NFATC1: variants seen among roughly 807,000 people sequenced by gnomAD.
NFATC1 encodes nuclear factor of activated T cells 1, also known as nuclear factor of activated T-cells, cytoplasmic 1.
In NFATC1, 22 loss-of-function variants were observed where a neutral mutation model predicts 76.0. The ratio of observed to expected loss-of-function variants is 0.29; its 90% CI spans 0.21 to 0.41. NFATC1 has a LOEUF of 0.41. Among genes scored for constraint, NFATC1 ranks in the 10% least tolerant of loss-of-function variants. The probability of loss-of-function intolerance (pLI) is 1.00; values close to 1 mark genes in which losing one functional copy is unlikely to be tolerated. For missense variants in NFATC1, 1,357 were observed against 1,337.7 expected (o/e 1.01, Z -0.23); for synonymous variants, 704 against 613.1 (o/e 1.15, Z -2.19).
intron 1 of NFATC1, among the ~76,000 whole-genome samples, chr18:79,408,657 C>T (rs1404927800): frequency 1.3e-5 from 2 of 152,232 alleles, no homozygotes; most frequent in Non-Finnish European, 2.9e-5. Flanking sequence ...GGCACCTTGA[C>T]AGTGATAAGC....
chr18:79,474,592 G>A (rs368596876), intron 8 of NFATC1, among the ~76,000 whole-genome samples: 61 of 149,388 alleles, frequency 4.1e-4, no homozygotes, highest in East Asian at 3.8e-3. Context: ...TGAGGGAAGC[G>A]TGTTCTCACG....
At chr18:79,431,139 C>T (rs529276018) in intron 2 of NFATC1, among the ~76,000 whole-genome samples, 4 of 152,338 alleles carry the variant, frequency 2.6e-5, no homozygotes, top group African/African-American at 9.6e-5. Context: ...CCCCACAGAG[C>T]GGAGGTGGGT....
intron 2 of NFATC1, among the ~76,000 whole-genome samples, chr18:79,432,414 G>A (rs887155347): frequency 2.6e-5 from 4 of 152,384 alleles, no homozygotes; most frequent in East Asian, 1.9e-4. Context: ...GCCACATAGC[G>A]GTGAGGACAG....
chr18:79,415,098 G>A (rs1335361565), intron 2 of NFATC1, among the ~76,000 whole-genome samples: 4 of 152,104 alleles, frequency 2.6e-5, no homozygotes, highest in African/African-American at 9.7e-5. Flanking sequence ...CTGCTCTTTG[G>A]GCATCAGCCT....
chr18:79,515,448 GGT>G (rs2090356107), intron 9 of NFATC1, among the ~76,000 whole-genome samples: 1 of 151,928 alleles, frequency 6.6e-6, no homozygotes, highest in Non-Finnish European at 1.5e-5. Context: ...CTGCAGTGGT[GGT>G]GGTGGGCGGG....
intron 3 of NFATC1, among the ~76,000 whole-genome samples, chr18:79,443,294 C>A (rs921824545): frequency 6.6e-6 from 1 of 152,352 alleles, no homozygotes; most frequent in Non-Finnish European, 1.5e-5. Context: ...CACACCTGCA[C>A]GCACTGTCAC....
At chr18:79,490,674 G>A (rs1354965371) in intron 9 of NFATC1, among the ~76,000 whole-genome samples, 4 of 152,158 alleles carry the variant, frequency 2.6e-5, no homozygotes, top group East Asian at 3.8e-4. Flanking sequence ...GACACGGGCC[G>A]AGCCGTTTCC....
At chr18:79,443,477 C>T (rs1225190171) in intron 3 of NFATC1, among the ~76,000 whole-genome samples, 4 of 152,224 alleles carry the variant, frequency 2.6e-5, no homozygotes, top group Admixed American at 2.0e-4. Flanking sequence ...TCGTCCTGTT[C>T]CTGTCATGGG....
chr18:79,431,338 C>T (rs2144651686), intron 2 of NFATC1, among the ~76,000 whole-genome samples: 1 of 152,294 alleles, frequency 6.6e-6, no homozygotes, highest in South Asian at 2.1e-4. Flanking sequence ...TTAAACGAGT[C>T]TTCTATTCTG....
intron 2 of NFATC1, among the ~76,000 whole-genome samples, chr18:79,412,436 T>G (rs1237941369): frequency 6.1e-5 from 7 of 114,980 alleles, no homozygotes; most frequent in African/African-American, 1.8e-4. Context: ...CCTGTTTTTG[T>G]TTTTTTTTTT....
At chr18:79,461,938 GCGATTGGC>G (rs2088124988) in intron 7 of NFATC1, among the ~76,000 whole-genome samples, 1 of 152,230 alleles carries the variant, frequency 6.6e-6, no homozygotes, top group African/African-American at 2.4e-5. Flanking sequence ...TCCTGGACTC[GCGATTGGC>G]CACAGCCTGT....
rs1569021120 is a variant in NFATC1 at position 79,486,238 on chromosome 18, CT to C, written c.2093-8del. On this transcript the variant is annotated splice_polypyrimidine_tract_variant and intron_variant, in intron 8 of 9. Coordinates refer to ENST00000427363, the MANE Select transcript of NFATC1 (RefSeq NM_001278669.2). Reference sequence around the variant, plus strand: ...TTGTGTTTATTTAATTTTTTTTTTCCTTCTCACAGTTCCAATTATAAAAACA... The same window carrying C: ...TTGTGTTTATTTAATTTTTTTTTTCCTCTCACAGTTCCAATTATAAAAACA... The C allele has an allele frequency of 6.3e-7, 1 of 1,580,404 alleles. No individual in the cohort carries two copies. Among genetic ancestry groups the C allele is most frequent in the Non-Finnish European group, 8.6e-7 (1 of 1,162,004 alleles).
intron 8 of NFATC1, among the ~76,000 whole-genome samples, chr18:79,485,309 T>C (rs1319789836): frequency 6.6e-6 from 1 of 152,258 alleles, no homozygotes; most frequent in African/African-American, 2.4e-5. Flanking sequence ...TAGGAATGTA[T>C]GTGCGCCATT....
rs568033658 is a variant in NFATC1, at chr18:79,409,417, A to G, written c.128-986A>G. 2.0e-5 allele frequency among the ~76,000 whole-genome samples: 3 copies of G among 151,610 alleles called. No individual in the cohort carries two copies. The South Asian group carries it at 6.3e-4, about 32-fold the overall frequency. ...TCCTCCATTCCTCGTCCATCCATCC[A>G]TCCATCACCATCCATTTATCTATCC... On this transcript the variant is annotated intron_variant, in intron 1 of 9. Transcript: ENST00000427363.
chr18:79,500,292 A>C (rs2089986063), intron 9 of NFATC1, among the ~76,000 whole-genome samples: 1 of 152,208 alleles, frequency 6.6e-6, no homozygotes. Context: ...CTAAATAATT[A>C]ATGAGTGAAG....
chr18:79,451,162 C>T (rs1366852686), intron 5 of NFATC1, 36 bp downstream of exon 5: 12 of 1,589,954 alleles, frequency 7.5e-6, no homozygotes, highest in Non-Finnish European at 1.0e-5. Context: ...GGGGAGGAAA[C>T]CGTCCCGTCA....
intron 9 of NFATC1, among the ~76,000 whole-genome samples, chr18:79,516,321 AAG>A (rs1465648279): frequency 6.6e-6 from 1 of 152,172 alleles, no homozygotes; most frequent in African/African-American, 2.4e-5. Context: ...TGCGATGAAA[AAG>A]ATAAAAATAA....
intron 8 of NFATC1, chr18:79,469,201 T>A (rs1297582909): frequency 3.1e-6 from 1 of 318,984 alleles, no homozygotes; most frequent in Non-Finnish European, 4.5e-6. Flanking sequence ...ATATAATGAT[T>A]GAGTCCTAAT....
At chr18:79,471,606 G>A (rs2088790233) in intron 8 of NFATC1, among the ~76,000 whole-genome samples, 1 of 152,198 alleles carries the variant, frequency 6.6e-6, no homozygotes, top group Non-Finnish European at 1.5e-5. Flanking sequence ...CCGGCCCTAG[G>A]TCCCTGTGGG....
Sources: gnomAD v4.1 joint callset for allele counts (sites outside exome capture counted in the v4.1 genomes callset) on GRCh38, gnomAD v4.1.1 for gene constraint, MANE v1.5 for transcripts, NCBI Gene and HGNC (gene_info 2026-07-23, HGNC 2026-07-21) for gene names.